The following ZNF347 variants were observed in gnomAD, a reference collection of about 807,000 sequenced individuals.
ZNF347 encodes the protein zinc finger protein 347, also known as CTD-2620I22.7.
ZNF347 carries 19 observed loss-of-function variants against 12.9 expected under a neutral mutation model. The observed-to-expected ratio is 1.47, with a 90% confidence interval of 1.03 to 2.16. ZNF347 has a LOEUF of 2.16. ZNF347 is among the 30% of genes most tolerant of loss of function. ZNF347 has a pLI of 0.00. For synonymous variants in ZNF347, 328 were observed against 340.6 expected, an observed-to-expected ratio of 0.96 and a Z score of 0.41; for missense variants, 1,005 against 990.6, an observed-to-expected ratio of 1.01 and a Z score of -0.19.
rs544476236 is a variant in ZNF347 at position 53,148,031 on chromosome 19, A to G, written c.271+650T>C. ...CATACCTAAGCATGATAAAAGCCAT[A>G]TATGACAAATCCAGCAGGAATGTAC... On this transcript the variant is annotated intron_variant, in intron 4 of 4. Transcript: ENST00000334197. Among the ~76,000 whole-genome samples, 3 of 152,324 alleles carry G rather than the reference A, an allele frequency of 2.0e-5. No homozygotes were observed. The South Asian group carries it at 6.2e-4, about 32-fold the overall frequency.
intron 4 of ZNF347, 85 bp downstream of exon 4, chr19:53,148,596 T>G: frequency 1.6e-6 from 2 of 1,264,432 alleles, no homozygotes; most frequent in African/African-American, 1.5e-5. Flanking sequence ...TCAAACTTGT[T>G]TTCCCACAGA....
At chr19:53,150,743 T>A (rs1283747377) in intron 2 of ZNF347, among the ~76,000 whole-genome samples, 1 of 152,212 alleles carries the variant, frequency 6.6e-6, no homozygotes, top group African/African-American at 2.4e-5. Flanking sequence ...TTTATTTACT[T>A]ACTTACTTAT....
intron 2 of ZNF347, 42 bp from the exon 3 acceptor site, chr19:53,149,409 G>T: frequency 1.2e-6 from 2 of 1,611,162 alleles, no homozygotes; most frequent in Non-Finnish European, 8.5e-7. Context: ...ATAAGGAAAA[G>T]CTCCAATCTT....
rs767834836 is a variant in ZNF347 at position 53,141,908 on chromosome 19, T to C, written c.920A>G (p.His307Arg). The change falls in exon 5 of 5, where the codon CAT (histidine) becomes CGT (arginine). Residue 307 changes from histidine to arginine, a missense_variant. His to Arg is a conservative substitution (Grantham distance 29). Coordinates refer to ENST00000334197, the MANE Select transcript of ZNF347 (RefSeq NM_032584.3). ...AFRTRSNLTTHQVIHTGEKRY... is the reference protein window; with the variant it reads ...AFRTRSNLTTRQVIHTGEKRY... ...TTTTTCGCCAGTATGGATCACCTGA[T>C]GGGTAGTTAGGTTTGAACGTGTTCT... is the stretch of plus-strand genomic sequence containing the variant. 3 of 1,613,942 alleles carry C rather than the reference T, an allele frequency of 1.9e-6. No homozygotes were observed. The highest frequency in any genetic ancestry group is 1.7e-5 in the Admixed American group (1 of 59,986).
chr19:53,157,606 T>G (rs917032190), intron 1 of ZNF347, among the ~76,000 whole-genome samples: 13 of 152,140 alleles, frequency 8.5e-5, no homozygotes, highest in African/African-American at 2.9e-4. Context: ...TTTCTGCCTC[T>G]TTCTTCTCCC....
Position 53,140,066 on chromosome 19 carries a change from A to C in ZNF347, c.*242T>G. 1 of 419,432 alleles carries C rather than the reference A, an allele frequency of 2.4e-6. No individual in the cohort carries two copies. 26.0% of individuals were successfully genotyped at this position (419,432 alleles called of 1,614,324 possible). On this transcript the variant is annotated 3_prime_UTR_variant, in exon 5 of 5. Transcript: ENST00000334197. ...CAGGCGCACGCCACCAGGCCTAGCT[A>C]ATTGTGTACTTTTAGTAGAAATGGG...
At chr19:53,143,257 AG>A (rs1340197852) in intron 4 of ZNF347, among the ~76,000 whole-genome samples, 3 of 152,042 alleles carry the variant, frequency 2.0e-5, no homozygotes, top group Non-Finnish European at 4.4e-5. Context: ...TTTAAGTTTT[AG>A]GGTACATGTG....
At position 53,141,755 on chromosome 19, in the gene ZNF347, G is replaced by A. The variant is rs373814005; in HGVS notation, c.1073C>T (p.Ser358Leu). Residue 358 changes from serine (S) to leucine (L), a missense_variant, in exon 5 of 5, where the codon TCA becomes TTA. Physicochemically the swap from Ser to Leu is moderately radical, Grantham distance 145. Transcript: ENST00000334197. ...AATTCCTCGATGTCTTACAAGGTGTGAATTCTGAGTGAAGACCTTGCCACA... is the reference window on the plus strand; with the variant it reads ...AATTCCTCGATGTCTTACAAGGTGTAAATTCTGAGTGAAGACCTTGCCACA... ...NECGKVFTQN[S>L]HLVRHRGIHT... The A allele has an allele frequency of 1.2e-5, 19 of 1,613,696 alleles. No individual in the cohort carries two copies. The highest frequency in any genetic ancestry group is 1.5e-5 in the Non-Finnish European group (18 of 1,179,852).
rs192954928 is a variant in ZNF347 at position 53,142,705 on chromosome 19, T to C, written c.272-149A>G. 2.6e-4 allele frequency: 164 copies of C among 637,402 alleles called. No homozygotes were observed. In the East Asian group the frequency reaches 3.9e-3, roughly 15 times the overall value. 39.5% of individuals were successfully genotyped at this position (637,402 alleles called of 1,614,324 possible). A position where few individuals can be genotyped will look rare whatever the true frequency, so the allele number is the denominator to read the frequency against. On this transcript the variant is annotated intron_variant, in intron 4 of 4. Coordinates refer to ENST00000334197, the MANE Select transcript of ZNF347 (RefSeq NM_032584.3). ...GATTTATGAAACTTCAGAACAATAA[T>C]ATTCAATTTTTAGGAACACAAAGGA... is the stretch of plus-strand genomic sequence containing the variant.
intron 1 of ZNF347, among the ~76,000 whole-genome samples, chr19:53,156,826 A>T (rs2090538952): frequency 6.6e-6 from 1 of 152,174 alleles, no homozygotes; most frequent in South Asian, 2.1e-4. Context: ...CTGAGCCTCA[A>T]TCAGTGGGAT....
intron 4 of ZNF347, 126 bp from the exon 5 acceptor site, chr19:53,142,682 T>C (rs541086121): frequency 2.9e-6 from 2 of 695,300 alleles, no homozygotes; most frequent in South Asian, 4.7e-5. Flanking sequence ...ATTAAACAGA[T>C]TTATGAAACT....
chr19:53,142,213 A>G lies in ZNF347; in HGVS notation c.615T>C (p.Tyr205=), dbSNP rs1347207840. The G allele has an allele frequency of 1.9e-6, 3 of 1,613,662 alleles. No individual in the cohort carries two copies. In the Admixed American group the frequency reaches 5.0e-5, roughly 27 times the overall value. Residue 205 remains tyrosine, a synonymous_variant, in exon 5 of 5, where the codon TAT becomes TAC. Transcript: ENST00000334197. ...AAGACTTCTCAACCTGATTACATTC[A>G]TAAATTTTCCCTTCATATTGAAAAA... is the stretch of plus-strand genomic sequence containing the variant. ...LQLFQYEGKI[Y]ECNQVEKSFN...
At chr19:53,145,093 C>A (rs2090454146) in intron 4 of ZNF347, among the ~76,000 whole-genome samples, 1 of 151,876 alleles carries the variant, frequency 6.6e-6, no homozygotes, top group Non-Finnish European at 1.5e-5. Flanking sequence ...GAGTTCAAGA[C>A]CAGCCTGGCC....
At position 53,137,580 on chromosome 19, in the gene ZNF347, C is replaced by G. The variant is rs149896708; in HGVS notation, c.*2728G>C. On this transcript the variant is annotated 3_prime_UTR_variant, in exon 5 of 5. Transcript: ENST00000334197. ...CCTCATTTTCCATATCTAAACCAAA[C>G]TGTAAATGGAGTTCAATACACTTCC... 74 of 152,270 alleles carry G rather than the reference C, an allele frequency of 4.9e-4. 1 individual carries two copies. Among genetic ancestry groups the G allele is most frequent in the African/African-American group, 1.7e-3 (70 of 41,546 alleles). The allele number at this position is 152,270 out of a possible 1,614,324, so 9.4% of individuals were successfully genotyped here.
intron 2 of ZNF347, among the ~76,000 whole-genome samples, chr19:53,152,833 G>A (rs2090507642): frequency 1.3e-5 from 2 of 152,066 alleles, no homozygotes; most frequent in Non-Finnish European, 2.9e-5. Context: ...GGGAGGCTGA[G>A]GCAGGAGAAT....
At chr19:53,149,070 A>G (rs1331464808) in intron 3 of ZNF347, 171 bp downstream of exon 3, 2 of 1,350,748 alleles carry the variant, frequency 1.5e-6, no homozygotes, top group Admixed American at 5.6e-5. Flanking sequence ...CTCCAGTGAC[A>G]TCAGGAAGAG....
chr19:53,155,780 A>AG (rs1422596519), intron 1 of ZNF347, among the ~76,000 whole-genome samples: 3 of 152,172 alleles, frequency 2.0e-5, no homozygotes, highest in African/African-American at 7.2e-5. Context: ...ACTGTGAGTG[A>AG]GGCTGGTACA....
At chr19:53,149,406 A>G (rs779600893) in intron 2 of ZNF347, 39 bp from the exon 3 acceptor site, 1 of 1,611,746 alleles carries the variant, frequency 6.2e-7, no homozygotes, top group Non-Finnish European at 8.5e-7. Context: ...GATATAAGGA[A>G]AAGCTCCAAT....
rs557850249 is a variant in ZNF347, at chr19:53,140,096, C to T, written c.*212G>A. The stretch of plus-strand genomic sequence containing the variant: ...TGTACTTTTAGTAGAAATGGGGTTT[C>T]GCCATGTTGGTCAGGCTGGTCTTGA... On this transcript the variant is annotated 3_prime_UTR_variant, in exon 5 of 5. Coordinates refer to ENST00000334197, the MANE Select transcript of ZNF347 (RefSeq NM_032584.3). The T allele has an allele frequency of 1.4e-4, 68 of 495,932 alleles. No individual in the cohort carries two copies. Among genetic ancestry groups the T allele is most frequent in the Non-Finnish European group, 2.1e-4 (60 of 284,740 alleles). 30.7% of individuals were successfully genotyped at this position (495,932 alleles called of 1,614,324 possible).
Sources: allele counts gnomAD v4.1 joint callset (sites outside exome capture counted in the v4.1 genomes callset), GRCh38; gene constraint gnomAD v4.1.1; transcripts MANE v1.5; gene names NCBI Gene and HGNC (gene_info 2026-07-23, HGNC 2026-07-21).